The following SPAG6 variants were observed in gnomAD, a reference collection of about 807,000 sequenced individuals.
SPAG6 encodes the protein sperm associated antigen 6, also known as sperm-associated antigen 6.
A neutral mutation model predicts 58.5 loss-of-function variants in SPAG6; 49 were observed. The observed-to-expected ratio is 0.84, with a 90% CI of 0.67 to 1.06. The LOEUF (loss-of-function observed/expected upper bound fraction) is 1.06, where lower values mean the gene tolerates loss of function less well. SPAG6 is among the 50% of genes least tolerant of loss of function. The probability of loss-of-function intolerance (pLI) is 0.00; values close to 1 mark genes in which losing one functional copy is unlikely to be tolerated. For synonymous variants in SPAG6, 233 were observed against 225.6 expected, an observed-to-expected ratio of 1.03 and a Z score of -0.29; for missense variants, 560 against 611.3, an observed-to-expected ratio of 0.92 and a Z score of 0.89.
chr10:22,390,009 G>T (rs7071015), intron 7 of SPAG6, among the ~76,000 whole-genome samples: 23,579 of 152,076 alleles, frequency 0.16, 5,451 homozygotes, highest in African/African-American at 0.51. Context: ...GTGACCCTCT[G>T]GGGTGTGGGT....
chr10:22,397,692 C>T (rs149791435), intron 8 of SPAG6, among the ~76,000 whole-genome samples: 4 of 152,234 alleles, frequency 2.6e-5, no homozygotes, highest in Admixed American at 2.6e-4. Context: ...TTCATAATAA[C>T]ATCAAGCATT....
chr10:22,352,167 A>T (rs927009577), intron 2 of SPAG6, among the ~76,000 whole-genome samples: 3 of 152,086 alleles, frequency 2.0e-5, no homozygotes, highest in Non-Finnish European at 2.9e-5. Flanking sequence ...TCTAAAAAAA[A>T]AAAAGTCATG....
chr10:22,345,605 G>C lies in SPAG6; in HGVS notation c.-7G>C, dbSNP rs2132019279. ...GCTCGAGGAGGGCAGACGGCGGCGG[G>C]GGCGCCATGAGTCAGAGGCAGGTGC... On this transcript the variant is annotated 5_prime_UTR_variant, in exon 1 of 11. Transcript: ENST00000376624. The surrounding 1 kb of genome is among the most constrained non-coding windows in gnomAD (Gnocchi z 6.3). 6.5e-7 allele frequency: 1 copy of C among 1,528,940 alleles called. No individual in the cohort carries two copies. Among genetic ancestry groups the C allele is most frequent in the East Asian group, 2.5e-5 (1 of 40,288 alleles). The allele number at this position is 1,528,940 out of a possible 1,614,324, so 94.7% of individuals were successfully genotyped here. A position where few individuals can be genotyped will look rare whatever the true frequency, so the allele number is the denominator to read the frequency against.
At chr10:22,409,270 C>G (rs1025605722) in intron 9 of SPAG6, among the ~76,000 whole-genome samples, 1 of 152,178 alleles carries the variant, frequency 6.6e-6, no homozygotes, top group African/African-American at 2.4e-5. Flanking sequence ...AATGAAAATT[C>G]TCCAGGCCAA....
Position 22,391,424 on chromosome 10 carries a change from C to G in SPAG6, c.1006-305C>G, listed in dbSNP as rs115432872. 9.2e-3 allele frequency among the ~76,000 whole-genome samples: 1,398 copies of G among 152,274 alleles called. 13 individuals are homozygous for G. The highest frequency in any genetic ancestry group is 0.031 in the African/African-American group (1,301 of 41,556). ...CATTTTTATTTAGTCACAGTAAAAT[C>G]TGGCTTTGCCTATTTCCTAGTCTGT... On this transcript the variant is annotated intron_variant, in intron 7 of 10. Transcript: ENST00000376624.
intron 2 of SPAG6, among the ~76,000 whole-genome samples, chr10:22,362,219 A>G (rs1177351341): frequency 6.8e-6 from 1 of 147,802 alleles, no homozygotes; most frequent in African/African-American, 2.5e-5. Context: ...ATATGTATAT[A>G]TGTATATATC....
intron 2 of SPAG6, among the ~76,000 whole-genome samples, chr10:22,357,951 A>T (rs1246715807): frequency 5.9e-5 from 9 of 152,158 alleles, no homozygotes; most frequent in Non-Finnish European, 4.4e-5. Context: ...TCCATGGTGT[A>T]TATGTGCCAC....
chr10:22,397,790 G>A lies in SPAG6; in HGVS notation c.1198-3371G>A, dbSNP rs952374590. On this transcript the variant is annotated intron_variant, in intron 8 of 10. Coordinates refer to ENST00000376624, the MANE Select transcript of SPAG6 (RefSeq NM_012443.4). ...AAAAATAAATTATGAGACATTCCAT[G>A]TTCATGGACTGGAAGACTCAATATT... is the stretch of plus-strand genomic sequence containing the variant. Among the ~76,000 whole-genome samples, 20 of 152,100 alleles carry A rather than the reference G, an allele frequency of 1.3e-4. 1 individual carries two copies. Among genetic ancestry groups the A allele is most frequent in the Non-Finnish European group, 4.4e-5 (3 of 68,014 alleles).
intron 9 of SPAG6, among the ~76,000 whole-genome samples, chr10:22,406,128 T>G: frequency 6.6e-6 from 1 of 152,244 alleles, no homozygotes; most frequent in East Asian, 1.9e-4. Context: ...TTTTTGTGTC[T>G]CTATTTCCTT....
intron 2 of SPAG6, among the ~76,000 whole-genome samples, chr10:22,346,497 TTTCTTCTTCTTCTTCC>T (rs1187325873): frequency 1.2e-4 from 9 of 74,376 alleles, no homozygotes; most frequent in African/African-American, 4.3e-4. Context: ...CTTCTTCTTC[TTTCTTCTTCTTCTTCC>T]TCTTCTTCTT....
intron 3 of SPAG6, among the ~76,000 whole-genome samples, chr10:22,365,708 C>G (rs143627965): frequency 1.1e-3 from 172 of 152,176 alleles, no homozygotes; most frequent in African/African-American, 4.0e-3. Flanking sequence ...GGATTAAATT[C>G]CTATTTGTGT....
At chr10:22,393,816 G>A (rs1461020049) in intron 8 of SPAG6, among the ~76,000 whole-genome samples, 1 of 152,082 alleles carries the variant, frequency 6.6e-6, no homozygotes, top group Admixed American at 6.6e-5. Flanking sequence ...GTCCATTCAA[G>A]CCTGTTCGAT....
intron 2 of SPAG6, among the ~76,000 whole-genome samples, chr10:22,346,499 T>TTCTTCTTC (rs1491381117): frequency 1.3e-4 from 16 of 126,280 alleles, no homozygotes; most frequent in Non-Finnish European, 2.0e-4. Flanking sequence ...TCTTCTTCTT[T>TTCTTCTTC]CTTCTTCTTC....
rs770283646 is a variant in SPAG6 at position 22,411,014 on chromosome 10, G to C, written c.1315-17G>C. On this transcript the variant is annotated splice_polypyrimidine_tract_variant and intron_variant, in intron 9 of 10. Transcript: ENST00000376624. ...TGGAAAAGAAAAGCTGACATTTTAT[G>C]TGCTTCACTTTGCAAGGTGCTGCCG... is the stretch of plus-strand genomic sequence containing the variant. 6.2e-7 allele frequency: 1 copy of C among 1,604,142 alleles called. No individual in the cohort carries two copies. Among genetic ancestry groups the C allele is most frequent in the Non-Finnish European group, 8.5e-7 (1 of 1,177,230 alleles).
In SPAG6 at chr10:22,364,855, G is replaced by A. The variant is rs753924713; in HGVS notation, c.124G>A (p.Val42Ile). Residue 42 changes from valine to isoleucine, a missense_variant and splice_region_variant, in exon 3 of 11, where the codon GTA becomes ATA. Coordinates refer to ENST00000376624, the MANE Select transcript of SPAG6 (RefSeq NM_012443.4). ...QNIETLQNAGVMSLLRTLLLD... is the reference protein window; with the variant it reads ...QNIETLQNAGIMSLLRTLLLD... The stretch of plus-strand genomic sequence containing the variant: ...TGTTCTTTCATAATTTAACTCAGGT[G>A]TAATGTCTTTGCTGAGAACTCTTCT... 2 of 1,599,636 alleles carry A rather than the reference G, an allele frequency of 1.3e-6. No individual in the cohort carries two copies. Among genetic ancestry groups the A allele is most frequent in the East Asian group, 2.2e-5 (1 of 44,798 alleles).
At chr10:22,352,159 TA>T (rs765663222) in intron 2 of SPAG6, among the ~76,000 whole-genome samples, 276 of 144,288 alleles carry the variant, frequency 1.9e-3, no homozygotes, top group Non-Finnish European at 2.0e-3. Flanking sequence ...AGACTCCGTC[TA>T]AAAAAAAAAA....
intron 10 of SPAG6, among the ~76,000 whole-genome samples, chr10:22,415,314 A>C (rs1417934512): frequency 6.6e-6 from 1 of 151,622 alleles, no homozygotes; most frequent in Non-Finnish European, 1.5e-5. Flanking sequence ...AAAGGTTAAA[A>C]TTTTAAAGAT....
intron 7 of SPAG6, among the ~76,000 whole-genome samples, chr10:22,391,432 G>C (rs767500200): frequency 9.9e-5 from 15 of 152,118 alleles, no homozygotes; most frequent in Non-Finnish European, 1.9e-4. Flanking sequence ...ATCTGGCTTT[G>C]CCTATTTCCT....
intron 7 of SPAG6, among the ~76,000 whole-genome samples, chr10:22,390,640 A>G (rs2363568): frequency 0.17 from 25,655 of 152,204 alleles, 6,454 homozygotes; most frequent in African/African-American, 0.55. Context: ...TCAGAGCTTC[A>G]GGGATGGAGT....
Sources: allele counts gnomAD v4.1 joint callset (sites outside exome capture counted in the v4.1 genomes callset), GRCh38; gene constraint gnomAD v4.1.1; non-coding constraint Gnocchi (gnomAD v3.1); transcripts MANE v1.5; gene names NCBI Gene and HGNC (gene_info 2026-07-23, HGNC 2026-07-21).